The following HGFAC variants were observed in gnomAD, a reference collection of about 807,000 sequenced individuals.
HGFAC encodes the protein hepatocyte growth factor activator serine protease.
HGFAC carries 76 observed loss-of-function variants against 70.6 expected under a neutral mutation model. The ratio of observed to expected loss-of-function variants is 1.08; its 90% CI spans 0.89 to 1.30. The LOEUF (loss-of-function observed/expected upper bound fraction) is 1.30, where lower values mean the gene tolerates loss of function less well. Ranked by LOEUF, HGFAC falls within the 50% of genes most tolerant of loss-of-function variation. The pLI, the probability that HGFAC is intolerant of heterozygous loss-of-function variation, is 0.00. For missense variants in HGFAC, 1,044 were observed against 933.7 expected (o/e 1.12, Z -1.54); for synonymous variants, 464 against 405.3 (o/e 1.14, Z -1.74).
rs746949597 is a variant in HGFAC, at chr4:3,449,431, G to T, written c.*12G>T. The stretch of plus-strand genomic sequence containing the variant: ...TGGCTCCCTCCTGACCCTCCAGCGG[G>T]ACACCCTGGTTCCCACCATTCCCTG... On this transcript the variant is annotated 3_prime_UTR_variant, in exon 14 of 14. Transcript: ENST00000382774. 4 of 1,521,144 alleles carry T rather than the reference G, an allele frequency of 2.6e-6. No homozygotes were observed. Among genetic ancestry groups the T allele is most frequent in the Admixed American group, 2.1e-5 (1 of 48,686 alleles). 94.2% of individuals were successfully genotyped at this position (1,521,144 alleles called of 1,614,324 possible).
chr4:3,444,861 G>A lies in HGFAC; in HGVS notation c.884G>A (p.Arg295His), dbSNP rs753187984. The A allele has an allele frequency of 2.6e-5, 41 of 1,605,648 alleles. 1 individual carries two copies. In the South Asian group the frequency reaches 3.5e-4, roughly 14 times the overall value. The change falls in exon 8 of 14, where the codon CGT becomes CAT. Residue 295 changes from arginine to histidine, a missense_variant. Coordinates refer to ENST00000382774, the MANE Select transcript of HGFAC (RefSeq NM_001528.4). The part of the protein sequence containing the change: ...RCFLGNGTGY[R>H]GVASTSASGL... ...TTCTTGGGGAACGGCACTGGGTACCGTGGCGTGGCCAGCACCTCAGCCTCG... is the reference window on the plus strand; with the variant it reads ...TTCTTGGGGAACGGCACTGGGTACCATGGCGTGGCCAGCACCTCAGCCTCG...
intron 3 of HGFAC, 66 bp from the exon 4 acceptor site, chr4:3,443,275 A>G: frequency 1.1e-6 from 1 of 936,754 alleles, no homozygotes; most frequent in South Asian, 1.5e-5. Flanking sequence ...GAGACCCTCC[A>G]GGGTGGTGGG....
At chr4:3,445,037 G>T (rs1361232700) in intron 8 of HGFAC, 44 bp downstream of exon 8, 8 of 1,503,476 alleles carry the variant, frequency 5.3e-6, no homozygotes, top group Non-Finnish European at 7.1e-6. Context: ...GGGGCAGGCA[G>T]GATTTGTCCT....
Position 3,447,913 on chromosome 4 carries a change from A to G in HGFAC, c.1514A>G (p.Lys505Arg). The change falls in exon 12 of 14, where the codon AAG (lysine) becomes AGG (arginine). Residue 505 changes from lysine (K) to arginine (R), a missense_variant. Lys to Arg is a conservative substitution (Grantham distance 26). Coordinates refer to ENST00000382774, the MANE Select transcript of HGFAC (RefSeq NM_001528.4). ...DHDLVLIRLK[K>R]KGDRCATRSQ... ...TGATCAGTCCTGATCCGGCTGAAGA[A>G]GAAAGGGGACCGCTGTGCCACACGC... is the stretch of plus-strand genomic sequence containing the variant. The G allele has an allele frequency of 6.2e-7, 1 of 1,611,154 alleles. No individual in the cohort carries two copies. The highest frequency in any genetic ancestry group is 1.1e-5 in the South Asian group (1 of 90,694).
At chr4:3,445,947 C>G in intron 9 of HGFAC, 95 bp from the exon 10 acceptor site, 1 of 1,562,094 alleles carries the variant, frequency 6.4e-7, no homozygotes, top group Non-Finnish European at 8.7e-7. Flanking sequence ...CCGGCCATGG[C>G]CCTCTGCAGC....
Position 3,447,603 on chromosome 4 carries a change from G to T in HGFAC, c.1467G>T (p.Ser489=). 6.2e-7 allele frequency: 1 copy of T among 1,612,682 alleles called. No individual in the cohort carries two copies. The highest frequency in any genetic ancestry group is 8.5e-7 in the Non-Finnish European group (1 of 1,179,886). Reference sequence around the variant, plus strand: ...AGTACATCCCGTACACCCTGTACTCGGTGTTCAACCCCAGCGACCACGACC... The same window carrying T: ...AGTACATCCCGTACACCCTGTACTCTGTGTTCAACCCCAGCGACCACGACC... ...IEKYIPYTLY[S]VFNPSDHDLV... is the part of the protein sequence containing the mutation. The change falls in exon 11 of 14, where the codon TCG becomes TCT. Residue 489 remains serine (S), a synonymous_variant. Coordinates refer to ENST00000382774, the MANE Select transcript of HGFAC (RefSeq NM_001528.4).
Position 3,442,026 on chromosome 4 carries a change from A to AGCCCCTGGCCCCCACCGGGGCTGG in HGFAC, c.32_55dup (p.Trp11_Pro18dup), listed in dbSNP as rs771956188. 3 of 1,515,500 alleles carry AGCCCCTGGCCCCCACCGGGGCTGG rather than the reference A, an allele frequency of 2.0e-6. No individual in the cohort carries two copies. The highest frequency in any genetic ancestry group is 2.6e-5 in the East Asian group (1 of 39,154). The allele number at this position is 1,515,500 out of a possible 1,614,324, so 93.9% of individuals were successfully genotyped here. The stretch of plus-strand genomic sequence containing the variant: ...CATGGGGCGCTGGGCCTGGGTCCCC[A>AGCCCCTGGCCCCCACCGGGGCTGG]GCCCCTGGCCCCCACCGGGGCTGGG... On this transcript the variant is annotated inframe_insertion, in exon 1 of 14. Coordinates refer to ENST00000382774, the MANE Select transcript of HGFAC (RefSeq NM_001528.4).
At chr4:3,442,239 G>A (rs1560190864) in intron 1 of HGFAC, 121 bp downstream of exon 1, 1 of 722,676 alleles carries the variant, frequency 1.4e-6, no homozygotes, top group Non-Finnish European at 2.2e-6. Flanking sequence ...GGGGGTCCGA[G>A]CAGGGGGCTT....
rs1313524735 is a variant in HGFAC, at chr4:3,444,892, C to T, written c.915C>T (p.Leu305=). ...RGVASTSASG[L]SCLAWNSDLL... Reference sequence around the variant, plus strand: ...TGGCCAGCACCTCAGCCTCGGGCCTCAGCTGCCTGGCCTGGAACTCCGATC... The same window carrying T: ...TGGCCAGCACCTCAGCCTCGGGCCTTAGCTGCCTGGCCTGGAACTCCGATC... Residue 305 remains leucine (L), a synonymous_variant, in exon 8 of 14, where the codon CTC becomes CTT. Transcript: ENST00000382774. The T allele has an allele frequency of 1.2e-6, 2 of 1,609,112 alleles. No homozygotes were observed. The highest frequency in any genetic ancestry group is 8.5e-7 in the Non-Finnish European group (1 of 1,178,562).
intron 9 of HGFAC, chr4:3,445,772 C>G (rs1725486328): frequency 1.8e-6 from 2 of 1,124,852 alleles, no homozygotes; most frequent in Admixed American, 4.1e-5. Context: ...CTGGGGCTGG[C>G]TGTGGGGTTC....
At chr4:3,448,350 C>G in intron 13 of HGFAC, 74 bp downstream of exon 13, 1 of 1,523,964 alleles carries the variant, frequency 6.6e-7, no homozygotes, top group Non-Finnish European at 8.8e-7. Flanking sequence ...AGATGCTTGC[C>G]CCTGGGGAGC....
intron 1 of HGFAC, 57 bp downstream of exon 1, chr4:3,442,175 C>T: frequency 7.2e-7 from 1 of 1,379,324 alleles, no homozygotes; most frequent in Non-Finnish European, 9.8e-7. Flanking sequence ...ACTTGGGGTC[C>T]TTGGGAGGAG....
intron 4 of HGFAC, 54 bp downstream of exon 4, chr4:3,443,474 GA>G: frequency 8.6e-7 from 1 of 1,161,026 alleles, no homozygotes; most frequent in South Asian, 1.7e-5. Flanking sequence ...GGCCAGGCCA[GA>G]AGGGCCAAGG....
At chr4:3,447,786 C>T in intron 11 of HGFAC, 109 bp from the exon 12 acceptor site, 1 of 1,535,618 alleles carries the variant, frequency 6.5e-7, no homozygotes, top group Non-Finnish European at 8.9e-7. Context: ...TCTGGATCTC[C>T]CAGGCTGCCC....
intron 11 of HGFAC, 36 bp downstream of exon 11, chr4:3,447,667 G>C (rs374093681): frequency 6.2e-7 from 1 of 1,609,754 alleles, no homozygotes; most frequent in Non-Finnish European, 8.5e-7. Context: ...ACTCTGGGCA[G>C]GTGGGCCCTG....
intron 4 of HGFAC, 133 bp from the exon 5 acceptor site, chr4:3,443,906 G>T (rs73195105): frequency 0.022 from 21,571 of 969,894 alleles, 472 homozygotes; most frequent in Middle Eastern, 0.094. Flanking sequence ...CACCCCGAGG[G>T]GCGTAGAGAG....
rs533655396 is a variant in HGFAC at position 3,448,168 on chromosome 4, C to T, written c.1677C>T (p.Val559=). 3 of 1,600,258 alleles carry T rather than the reference C, an allele frequency of 1.9e-6. No individual in the cohort carries two copies. Among genetic ancestry groups the T allele is most frequent in the African/African-American group, 1.3e-5 (1 of 74,808 alleles). ...CCAGCTCCCTGCGGGAGGCCCTGGTCCCCCTGGTCGCCGACCACAAGTGCA... is the reference window on the plus strand; with the variant it reads ...CCAGCTCCCTGCGGGAGGCCCTGGTTCCCCTGGTCGCCGACCACAAGTGCA... ...GYSSSLREAL[V]PLVADHKCSS... The change falls in exon 13 of 14, where the codon GTC becomes GTT. Residue 559 remains valine (V), a synonymous_variant. Transcript: ENST00000382774.
At chr4:3,442,939 TGTC>T in intron 2 of HGFAC, 27 bp downstream of exon 2, 1 of 1,552,744 alleles carries the variant, frequency 6.4e-7, no homozygotes, top group Non-Finnish European at 8.7e-7. Context: ...TGGGAGGAGG[TGTC>T]GTGCTTCACC....
chr4:3,442,704 A>C, intron 1 of HGFAC, 28 bp from the exon 2 acceptor site: 1 of 1,452,982 alleles, frequency 6.9e-7, no homozygotes, highest in Non-Finnish European at 9.1e-7. Flanking sequence ...GGTCTGTCCC[A>C]CACTGACACC....
Sources: allele counts gnomAD v4.1 joint callset, GRCh38; gene constraint gnomAD v4.1.1; transcripts MANE v1.5; gene names NCBI Gene and HGNC (gene_info 2026-07-23, HGNC 2026-07-21).